Variants in DNAH3 observed in about 807,000 individuals in gnomAD.
DNAH3 encodes axonemal beta dynein heavy chain 3.
Under a neutral mutation model 432.5 loss-of-function variants are expected in DNAH3, and 332 were observed. That is an observed-to-expected ratio of 0.77 (90% CI 0.70 to 0.84). The LOEUF (loss-of-function observed/expected upper bound fraction) is 0.84. DNAH3 is among the 40% of genes least tolerant of loss of function. DNAH3 has a pLI of 0.00. For synonymous variants in DNAH3, 1,956 were observed against 1,900.2 expected, an observed-to-expected ratio of 1.03 and a Z score of -0.76; for missense variants, 4,861 against 5,114.0, an observed-to-expected ratio of 0.95 and a Z score of 1.51.
At chr16:20,939,079 A>C (rs2083706369) in intron 59 of DNAH3, among the ~76,000 whole-genome samples, 1 of 151,938 alleles carries the variant, frequency 6.6e-6, no homozygotes, top group African/African-American at 2.4e-5. Flanking sequence ...GCTGTCCTTT[A>C]TAGAATGCCC....
At chr16:21,063,284 T>A (rs1487477834) in intron 24 of DNAH3, among the ~76,000 whole-genome samples, 2 of 152,082 alleles carry the variant, frequency 1.3e-5, no homozygotes, top group Admixed American at 6.6e-5. Flanking sequence ...TGTATTTTTT[T>A]AAATTTCAGG....
At chr16:20,945,191 A>G (rs1244165973) in intron 57 of DNAH3, among the ~76,000 whole-genome samples, 1 of 152,216 alleles carries the variant, frequency 6.6e-6, no homozygotes, top group East Asian at 1.9e-4. Context: ...TGGCCACGGA[A>G]GTGACCTCTA....
chr16:21,037,777 T>C (rs757314086), exon 34 of DNAH3: 1 of 1,614,144 alleles, frequency 6.2e-7, no homozygotes, highest in Non-Finnish European at 8.5e-7. Flanking sequence ...CAGAGGGACA[T>C]CTTGCGCTAA....
chr16:21,014,985 C>T (rs2087789524), intron 41 of DNAH3, among the ~76,000 whole-genome samples: 3 of 151,960 alleles, frequency 2.0e-5, no homozygotes, highest in African/African-American at 7.2e-5. Context: ...ATAGAAAGAC[C>T]CTAAATTATT....
At chr16:21,033,335 A>C (rs2088989320) in intron 36 of DNAH3, among the ~76,000 whole-genome samples, 1 of 152,210 alleles carries the variant, frequency 6.6e-6, no homozygotes, top group South Asian at 2.1e-4. Flanking sequence ...CAAAACAGAC[A>C]CACACACGAA....
chr16:21,027,185 G>T, intron 37 of DNAH3, 58 bp from the exon 38 acceptor site: 1 of 1,247,696 alleles, frequency 8.0e-7, no homozygotes. Flanking sequence ...CCATCTGCAA[G>T]TAAGAGGTCT....
At chr16:21,141,459 C>A (rs1001481754) in intron 3 of DNAH3, 87 bp from the exon 5 acceptor site, 6 of 969,938 alleles carry the variant, frequency 6.2e-6, no homozygotes, top group Non-Finnish European at 4.7e-6. Flanking sequence ...TCGGAACAGT[C>A]CAGGAGCACA....
chr16:21,101,102 C>T (rs1445896208), intron 16 of DNAH3, among the ~76,000 whole-genome samples: 2 of 152,148 alleles, frequency 1.3e-5, no homozygotes, highest in Non-Finnish European at 2.9e-5. Context: ...TCATTTAATA[C>T]ACCTAACCTA....
chr16:20,996,697 G>A (rs1007905566), intron 44 of DNAH3, among the ~76,000 whole-genome samples: 8 of 152,148 alleles, frequency 5.3e-5, no homozygotes, highest in African/African-American at 1.7e-4. Flanking sequence ...GGCCTCAAGC[G>A]ATCTACCCGC....
At chr16:20,948,662 G>C in intron 56 of DNAH3, 25 bp from the exon 57 acceptor site, 1 of 1,613,600 alleles carries the variant, frequency 6.2e-7, no homozygotes, top group African/African-American at 1.3e-5. Context: ...CAGAAGGAGA[G>C]GTTGAGCCCA....
intron 1 of DNAH3, 150 bp downstream of exon 2, chr16:21,150,140 A>C (rs1231536549): frequency 2.8e-6 from 1 of 357,206 alleles, no homozygotes; most frequent in African/African-American, 2.2e-5. Context: ...CAGGAGAATC[A>C]CTTGAACCCA....
intron 41 of DNAH3, among the ~76,000 whole-genome samples, chr16:21,011,011 TG>T (rs759048007): frequency 3.9e-5 from 6 of 152,056 alleles, no homozygotes; most frequent in Non-Finnish European, 8.8e-5. Context: ...GTTTGTTTTA[TG>T]CTGCATCTGC....
chr16:20,985,198 G>C (rs1315080023), exon 48 of DNAH3: 2 of 1,614,044 alleles, frequency 1.2e-6, no homozygotes, highest in South Asian at 1.1e-5. Context: ...GAAGATGTTA[G>C]GCACGTCACC....
intron 44 of DNAH3, among the ~76,000 whole-genome samples, chr16:20,996,538 CA>C (rs2086769631): frequency 6.6e-6 from 1 of 152,144 alleles, no homozygotes; most frequent in Non-Finnish European, 1.5e-5. Flanking sequence ...CGGCTCACTG[CA>C]ACCTCTGCCT....
chr16:21,153,391 T>C (rs2092875616), intron 1 of DNAH3, among the ~76,000 whole-genome samples: 1 of 151,854 alleles, frequency 6.6e-6, no homozygotes, highest in African/African-American at 2.4e-5. Flanking sequence ...TGTGTCTAGC[T>C]AATCTGGTGG....
At chr16:21,073,544 C>T (rs983528991) in intron 21 of DNAH3, among the ~76,000 whole-genome samples, 1 of 152,014 alleles carries the variant, frequency 6.6e-6, no homozygotes, top group Admixed American at 6.6e-5. Context: ...GAACATGATA[C>T]CCCGAAGCAT....
chr16:20,952,857 G>C (rs574461887), intron 55 of DNAH3, among the ~76,000 whole-genome samples: 1 of 152,228 alleles, frequency 6.6e-6, no homozygotes, highest in East Asian at 1.9e-4. Context: ...GGTAATGCAC[G>C]GAGCTCCAAA....
exon 18 of DNAH3, chr16:21,097,497 C>T (rs149000090): frequency 6.2e-7 from 1 of 1,613,128 alleles, no homozygotes; most frequent in East Asian, 2.2e-5. Flanking sequence ...CCTTATTGAT[C>T]AACTGCAGGG....
At chr16:20,950,310 C>T (rs2084254065) in intron 56 of DNAH3, among the ~76,000 whole-genome samples, 1 of 152,196 alleles carries the variant, frequency 6.6e-6, no homozygotes, top group Non-Finnish European at 1.5e-5. Context: ...AGTCTTTCAA[C>T]CTTGGCACTC....
Sources: allele counts gnomAD v4.1 joint callset (sites outside exome capture counted in the v4.1 genomes callset), GRCh38; gene constraint gnomAD v4.1.1; transcripts MANE v1.5; gene names NCBI Gene and HGNC (gene_info 2026-07-23, HGNC 2026-07-21).